ATP6V0E1: variants seen among roughly 807,000 people sequenced by gnomAD.
ATP6V0E1 encodes the protein ATPase H+ transporting V0 subunit e1.
In ATP6V0E1, 4 loss-of-function variants were observed where a neutral mutation model predicts 11.6. The ratio of observed to expected loss-of-function variants is 0.35; its 90% CI spans 0.17 to 0.79. ATP6V0E1 has a LOEUF of 0.79. ATP6V0E1 is among the 30% of genes least tolerant of loss of function. The pLI, the probability that ATP6V0E1 is intolerant of heterozygous loss-of-function variation, is 0.54. For synonymous variants in ATP6V0E1, 36 were observed against 34.8 expected (o/e 1.04, Z -0.13); for missense variants, 105 against 100.0 (o/e 1.05, Z -0.21).
intron 1 of ATP6V0E1, among the ~76,000 whole-genome samples, chr5:172,988,270 C>G (rs1408918340): frequency 1.3e-5 from 2 of 152,172 alleles, no homozygotes; most frequent in African/African-American, 4.8e-5. Context: ...CCTGTATTAT[C>G]TGGGTCCAGT....
chr5:173,009,223 C>CA (rs1193472905), intron 2 of ATP6V0E1, among the ~76,000 whole-genome samples: 1 of 151,696 alleles, frequency 6.6e-6, no homozygotes, highest in Admixed American at 6.6e-5. Context: ...GAGCCTGTCT[C>CA]AAAAAATACA....
chr5:173,027,943 T>C (rs1756588007), intron 3 of ATP6V0E1, among the ~76,000 whole-genome samples: 1 of 152,138 alleles, frequency 6.6e-6, no homozygotes, highest in African/African-American at 2.4e-5. Flanking sequence ...TCCATGATAA[T>C]GAGAGAATTG....
chr5:173,017,925 C>T (rs1324173744), intron 2 of ATP6V0E1, among the ~76,000 whole-genome samples: 1 of 151,730 alleles, frequency 6.6e-6, no homozygotes, highest in Non-Finnish European at 1.5e-5. Flanking sequence ...CAGTATGTTA[C>T]CAAATTTCAC....
chr5:173,033,752 G>T (rs1756699378), intron 3 of ATP6V0E1, among the ~76,000 whole-genome samples: 1 of 152,110 alleles, frequency 6.6e-6, no homozygotes, highest in South Asian at 2.1e-4. Context: ...GCTGAGATGG[G>T]AGGATCATTT....
chr5:173,013,336 G>A lies in ATP6V0E1; in HGVS notation c.153-6902G>A, dbSNP rs542622552. Among the ~76,000 whole-genome samples, 155 of 152,330 alleles carry A rather than the reference G, an allele frequency of 1.0e-3. 1 individual carries two copies. The highest frequency in any genetic ancestry group is 1.5e-3 in the Non-Finnish European group (101 of 68,030). ...CACGCCTGTAATCCCAGCACTTTGG[G>A]AGGCCGAGGCGGGTGAATCACGAGG... On this transcript the variant is annotated intron_variant, in intron 2 of 3. Transcript: ENST00000519374.
At chr5:173,015,772 G>A (rs1036953572) in intron 2 of ATP6V0E1, among the ~76,000 whole-genome samples, 3 of 152,154 alleles carry the variant, frequency 2.0e-5, no homozygotes, top group Admixed American at 6.5e-5. Context: ...TGTCATCCAG[G>A]CTAAAGTGCA....
Position 173,034,384 on chromosome 5 carries a change from G to A in ATP6V0E1, c.*37-15G>A. 1.4e-6 allele frequency: 1 copy of A among 702,870 alleles called. No homozygotes were observed. The allele number at this position is 702,870 out of a possible 1,614,324, so 43.5% of individuals were successfully genotyped here. ...ATGTATGAGGACCAGTTACCAGAAT[G>A]GTTTTGTTTTGCAGGTCACGAGAAG... is the stretch of plus-strand genomic sequence containing the variant. On this transcript the variant is annotated splice_polypyrimidine_tract_variant and intron_variant, in intron 3 of 3. Coordinates refer to ENST00000519374, the MANE Select transcript of ATP6V0E1 (RefSeq NM_003945.4).
In ATP6V0E1 at chr5:173,034,258, A is replaced by C. The variant is rs1756707086; in HGVS notation, c.*37-141A>C. ...TGCAAAACCTGGCCAAACTTGCACCAAGTTGATTATCCTGTGTTTCATATT... is the reference window on the plus strand; with the variant it reads ...TGCAAAACCTGGCCAAACTTGCACCCAGTTGATTATCCTGTGTTTCATATT... On this transcript the variant is annotated intron_variant, in intron 3 of 3. Transcript: ENST00000519374. The C allele has an allele frequency of 4.6e-6, 3 of 654,916 alleles. No individual in the cohort carries two copies. In the East Asian group the frequency reaches 8.2e-5, roughly 18 times the overall value. 40.6% of individuals were successfully genotyped at this position (654,916 alleles called of 1,614,324 possible).
In ATP6V0E1 at chr5:172,994,766, T is replaced by C; in HGVS notation, c.105-9T>C. On this transcript the variant is annotated splice_polypyrimidine_tract_variant and intron_variant, in intron 1 of 3. Transcript: ENST00000519374. ...ATTTAATGACATTTGCATTTTTTTTTTTTTTTAGAGTTATCATTACCATGT... is the reference window on the plus strand; with the variant it reads ...ATTTAATGACATTTGCATTTTTTTTCTTTTTTAGAGTTATCATTACCATGT... 6.3e-7 allele frequency: 1 copy of C among 1,588,730 alleles called. No homozygotes were observed.
At chr5:173,031,736 G>A (rs1022429274) in intron 3 of ATP6V0E1, among the ~76,000 whole-genome samples, 3 of 150,928 alleles carry the variant, frequency 2.0e-5, no homozygotes, top group Non-Finnish European at 4.4e-5. Context: ...GGAGAATAGC[G>A]TGAACCTGGG....
intron 2 of ATP6V0E1, among the ~76,000 whole-genome samples, chr5:173,004,798 A>C (rs935966330): frequency 6.6e-5 from 10 of 152,134 alleles, no homozygotes; most frequent in Admixed American, 2.6e-4. Flanking sequence ...ACTGCTTCTG[A>C]AGGTTGTAGG....
At chr5:172,992,078 T>C (rs889798570) in intron 1 of ATP6V0E1, among the ~76,000 whole-genome samples, 1 of 152,022 alleles carries the variant, frequency 6.6e-6, no homozygotes, top group African/African-American at 2.4e-5. Context: ...TGAGACGGAG[T>C]CTCGCTCTGT....
intron 2 of ATP6V0E1, among the ~76,000 whole-genome samples, chr5:173,014,752 A>G (rs1756377777): frequency 7.1e-6 from 1 of 140,742 alleles, no homozygotes; most frequent in Admixed American, 7.7e-5. Flanking sequence ...AGAGTAGCAC[A>G]ATGGGTACAA....
chr5:172,985,178 G>A (rs547104646), intron 1 of ATP6V0E1, among the ~76,000 whole-genome samples: 82 of 150,180 alleles, frequency 5.5e-4, no homozygotes, highest in African/African-American at 1.9e-3. Context: ...CCAGGAGGCA[G>A]AGCTTGCAGT....
intron 2 of ATP6V0E1, among the ~76,000 whole-genome samples, chr5:173,014,919 G>A (rs1455689236): frequency 6.6e-6 from 1 of 152,178 alleles, no homozygotes; most frequent in Non-Finnish European, 1.5e-5. Context: ...CCAACACAGA[G>A]AAATGGTAAA....
At chr5:172,993,628 G>T (rs1049317831) in intron 1 of ATP6V0E1, among the ~76,000 whole-genome samples, 2 of 151,564 alleles carry the variant, frequency 1.3e-5, no homozygotes, top group African/African-American at 4.9e-5. Context: ...GCTGAGGCAG[G>T]AGTATCACTT....
chr5:173,031,636 A>G (rs1329009284), intron 3 of ATP6V0E1, among the ~76,000 whole-genome samples: 3 of 150,886 alleles, frequency 2.0e-5, no homozygotes, highest in Non-Finnish European at 4.4e-5. Flanking sequence ...GGCTAACACA[A>G]TGAAACTCCG....
At chr5:172,994,577 T>C (rs963040002) in intron 1 of ATP6V0E1, among the ~76,000 whole-genome samples, 198 bp from the exon 2 acceptor site, 4 of 152,206 alleles carry the variant, frequency 2.6e-5, no homozygotes, top group Admixed American at 6.5e-5. Flanking sequence ...TAAATACAAA[T>C]GTTTAATTAC....
chr5:172,986,441 C>T (rs1010686931), intron 1 of ATP6V0E1, among the ~76,000 whole-genome samples: 3 of 151,880 alleles, frequency 2.0e-5, no homozygotes, highest in Non-Finnish European at 2.9e-5. Context: ...GGCAACACAG[C>T]GAGACCTTAT....
Sources: gnomAD v4.1 joint callset for allele counts (sites outside exome capture counted in the v4.1 genomes callset) on GRCh38, gnomAD v4.1.1 for gene constraint, MANE v1.5 for transcripts, NCBI Gene and HGNC (gene_info 2026-07-23, HGNC 2026-07-21) for gene names.